Variants in NEGR1 observed in about 807,000 individuals in gnomAD.
The protein encoded by NEGR1 is IgLON family member 4.
In NEGR1, 10 loss-of-function variants were observed where a neutral mutation model predicts 40.9. The observed-to-expected ratio is 0.24, with a 90% CI of 0.15 to 0.42. The LOEUF (loss-of-function observed/expected upper bound fraction) is 0.42. Among genes scored for constraint, NEGR1 ranks in the 10% least tolerant of loss-of-function variants. The pLI, the probability that NEGR1 is intolerant of heterozygous loss-of-function variation, is 1.00. For missense variants in NEGR1, 352 were observed against 438.9 expected (o/e 0.80, Z 1.77); for synonymous variants, 185 against 166.8 (o/e 1.11, Z -0.84).
intron 1 of NEGR1, among the ~76,000 whole-genome samples, chr1:72,160,618 C>T (rs1034909426): frequency 4.6e-5 from 7 of 152,076 alleles, no homozygotes; most frequent in Non-Finnish European, 1.0e-4. Context: ...ATACTATATA[C>T]ATAGATTCTA....
chr1:71,700,734 C>T (rs1305197235), intron 3 of NEGR1, among the ~76,000 whole-genome samples: 2 of 151,824 alleles, frequency 1.3e-5, no homozygotes, highest in Non-Finnish European at 2.9e-5. Flanking sequence ...AATAATAGGT[C>T]CCCCAAAGTT....
At chr1:72,104,560 G>A (rs1269753519) in intron 1 of NEGR1, among the ~76,000 whole-genome samples, 1 of 152,002 alleles carries the variant, frequency 6.6e-6, no homozygotes, top group African/African-American at 2.4e-5. Flanking sequence ...TTGAACCTCT[G>A]ATCTCCATAA....
chr1:71,542,345 G>A lies in NEGR1; in HGVS notation c.940+50472C>T, dbSNP rs117902829. Among the ~76,000 whole-genome samples the A allele has an allele frequency of 1.8e-4, 27 of 151,822 alleles. No individual in the cohort carries two copies. In the East Asian group the frequency reaches 4.9e-3, roughly 28 times the overall value. ...CAACACCAGAAGGGGAAGTCAGATG[G>A]ATTCTTTGCTGGTACGAGCCTGTTG... On this transcript the variant is annotated intron_variant, in intron 6 of 6. Coordinates refer to ENST00000357731, the MANE Select transcript of NEGR1 (RefSeq NM_173808.3).
intron 1 of NEGR1, among the ~76,000 whole-genome samples, chr1:72,059,542 G>A (rs548691143): frequency 1.3e-5 from 2 of 151,598 alleles, no homozygotes; most frequent in South Asian, 2.1e-4. Flanking sequence ...TTTTTGCACT[G>A]TTGATTTTAA....
chr1:72,174,504 T>TC (rs1652090838), intron 1 of NEGR1, among the ~76,000 whole-genome samples: 1 of 152,178 alleles, frequency 6.6e-6, no homozygotes, highest in Non-Finnish European at 1.5e-5. Flanking sequence ...CTTTCTCCCC[T>TC]CCAACTCTGA....
intron 1 of NEGR1, among the ~76,000 whole-genome samples, chr1:72,237,602 G>A (rs1557592363): frequency 6.6e-6 from 1 of 152,042 alleles, no homozygotes; most frequent in Admixed American, 6.6e-5. Context: ...AAAATTAAAT[G>A]TCAACTGGAT....
At chr1:72,161,969 G>T (rs942980251) in intron 1 of NEGR1, among the ~76,000 whole-genome samples, 1 of 151,764 alleles carries the variant, frequency 6.6e-6, no homozygotes, top group African/African-American at 2.4e-5. Flanking sequence ...TGGGATTACA[G>T]GCATGAGCCA....
chr1:72,258,791 T>C (rs1425837096), intron 1 of NEGR1, among the ~76,000 whole-genome samples: 1 of 152,150 alleles, frequency 6.6e-6, no homozygotes, highest in African/African-American at 2.4e-5. Context: ...TATACTAATG[T>C]ATTTTTACAA....
Position 71,821,715 on chromosome 1 carries a change from A to T in NEGR1, c.410-45418T>A, listed in dbSNP as rs144204666. The stretch of plus-strand genomic sequence containing the variant: ...AAAATCACAACACAGGCCTCTACGG[A>T]CCTGTAGACATCATGACATTTGTAG... On this transcript the variant is annotated intron_variant, in intron 2 of 6. Transcript: ENST00000357731. Among the ~76,000 whole-genome samples, 735 of 152,122 alleles carry T rather than the reference A, an allele frequency of 4.8e-3. 6 individuals are homozygous for T. Among genetic ancestry groups the T allele is most frequent in the African/African-American group, 0.017 (701 of 41,530 alleles).
intron 2 of NEGR1, among the ~76,000 whole-genome samples, chr1:71,929,970 A>T (rs1367932107): frequency 1.3e-5 from 2 of 152,132 alleles, no homozygotes; most frequent in Admixed American, 6.6e-5. Flanking sequence ...CCAGATAATC[A>T]TTGGTAAGTA....
chr1:72,275,050 C>T (rs751791713), intron 1 of NEGR1: 48 of 1,458,430 alleles, frequency 3.3e-5, no homozygotes, highest in Non-Finnish European at 4.1e-5. Context: ...GCTCTTGGAA[C>T]CAACTGAGCA....
intron 6 of NEGR1, among the ~76,000 whole-genome samples, chr1:71,525,192 C>CAG (rs1647201649): frequency 1.3e-5 from 2 of 151,784 alleles, no homozygotes; most frequent in African/African-American, 4.8e-5. Flanking sequence ...GGCACAATCA[C>CAG]ATTCATCTAA....
chr1:72,059,398 G>A (rs959543719), intron 1 of NEGR1, among the ~76,000 whole-genome samples: 3 of 151,554 alleles, frequency 2.0e-5, no homozygotes, highest in Non-Finnish European at 4.4e-5. Context: ...TCTGGGGGGT[G>A]TGGGGAGTGC....
At chr1:71,936,416 C>T (rs966432889) in intron 1 of NEGR1, among the ~76,000 whole-genome samples, 3 of 152,036 alleles carry the variant, frequency 2.0e-5, no homozygotes, top group Admixed American at 6.6e-5. Flanking sequence ...CCAATTATTA[C>T]CATACAGAAA....
chr1:71,928,466 T>C (rs370636233), intron 2 of NEGR1, among the ~76,000 whole-genome samples: 1 of 86,548 alleles, frequency 1.2e-5, no homozygotes, highest in Non-Finnish European at 2.4e-5. Flanking sequence ...ACACACATAC[T>C]TATATATACA....
chr1:71,743,424 A>C (rs956184618), intron 3 of NEGR1, among the ~76,000 whole-genome samples: 3 of 151,702 alleles, frequency 2.0e-5, no homozygotes, highest in Admixed American at 2.0e-4. Flanking sequence ...TTTTTTCCAA[A>C]GGCAGCCGGA....
At chr1:72,140,413 G>T (rs904953461) in intron 1 of NEGR1, among the ~76,000 whole-genome samples, 2 of 152,002 alleles carry the variant, frequency 1.3e-5, no homozygotes, top group Non-Finnish European at 2.9e-5. Context: ...GAGCCTTCCT[G>T]CTGAGTCATC....
intron 3 of NEGR1, among the ~76,000 whole-genome samples, chr1:71,743,681 T>C (rs1655287181): frequency 6.6e-6 from 1 of 152,178 alleles, no homozygotes; most frequent in African/African-American, 2.4e-5. Flanking sequence ...GGGTCAAATC[T>C]TTCCCAGGTT....
At chr1:72,031,737 C>T (rs1427012590) in intron 1 of NEGR1, among the ~76,000 whole-genome samples, 1 of 151,970 alleles carries the variant, frequency 6.6e-6, no homozygotes, top group Non-Finnish European at 1.5e-5. Flanking sequence ...GAGTTATAGG[C>T]CCAGATGTAC....
Sources: gnomAD v4.1 joint callset for allele counts (sites outside exome capture counted in the v4.1 genomes callset) on GRCh38, gnomAD v4.1.1 for gene constraint, MANE v1.5 for transcripts, NCBI Gene and HGNC (gene_info 2026-07-23, HGNC 2026-07-21) for gene names.